Variants in CDK13 observed in about 807,000 individuals in gnomAD.
The protein encoded by CDK13 is cyclin dependent kinase 13.
CDK13 carries 40 observed loss-of-function variants against 137.6 expected under a neutral mutation model. The observed-to-expected ratio is 0.29, with a 90% CI of 0.23 to 0.38. CDK13 has a LOEUF of 0.38. CDK13 is among the 10% of genes least tolerant of loss of function. CDK13 has a pLI of 1.00. For synonymous variants in CDK13, 869 were observed against 760.1 expected (o/e 1.14, Z -2.36); for missense variants, 1,704 against 1,951.8 (o/e 0.87, Z 2.39).
At chr7:39,997,076 A>T (rs1784579243) in intron 2 of CDK13, among the ~76,000 whole-genome samples, 1 of 151,170 alleles carries the variant, frequency 6.6e-6, no homozygotes, top group African/African-American at 2.4e-5. Flanking sequence ...TTAATTCTGT[A>T]TCGTTTTAAA....
At chr7:40,020,495 C>G (rs143099647) in intron 5 of CDK13, among the ~76,000 whole-genome samples, 2,095 of 152,270 alleles carry the variant, frequency 0.014, 28 homozygotes, top group Middle Eastern at 0.024. Context: ...TGCTGTTCCC[C>G]CAATGTATTT....
chr7:39,964,960 C>G (rs1182275817), intron 1 of CDK13, among the ~76,000 whole-genome samples: 1 of 152,094 alleles, frequency 6.6e-6, no homozygotes, highest in Non-Finnish European at 1.5e-5. Flanking sequence ...ATCCTGAGTT[C>G]TAGTTTGATT....
intron 1 of CDK13, among the ~76,000 whole-genome samples, chr7:39,983,170 T>G (rs773379): frequency 0.45 from 68,789 of 152,118 alleles, 17,592 homozygotes; most frequent in East Asian, 0.63. Flanking sequence ...GTTTAAGTCT[T>G]TAATCCATCT....
At chr7:40,049,310 C>A (rs887208875) in intron 7 of CDK13, 1 of 151,272 alleles carries the variant, frequency 6.6e-6, no homozygotes. Flanking sequence ...GACCTCCAGT[C>A]CTCTGTACCA....
At chr7:40,088,439 T>C in intron 12 of CDK13, 108 bp downstream of exon 12, 1 of 862,804 alleles carries the variant, frequency 1.2e-6, no homozygotes. Context: ...AAAATTAACA[T>C]TTATTCACTG....
chr7:40,015,587 T>G (rs1161538164), intron 5 of CDK13, among the ~76,000 whole-genome samples: 1 of 152,238 alleles, frequency 6.6e-6, no homozygotes, highest in Admixed American at 6.5e-5. Flanking sequence ...AAAGTTTAGC[T>G]TGGTAGTAGA....
At position 40,094,765 on chromosome 7, in the gene CDK13, G is replaced by A. The variant is rs2078834707; in HGVS notation, c.4324G>A (p.Asp1442Asn). ...TATTGCAGTCCTGGCAAACAGCAGTGACCCTTCCACGGGGCCAGAGAGTAC... is the reference window on the plus strand; with the variant it reads ...TATTGCAGTCCTGGCAAACAGCAGTAACCCTTCCACGGGGCCAGAGAGTAC... Reference protein sequence around the residue: ...GPIAVLANSSDPSTGPESTHP... With the variant: ...GPIAVLANSSNPSTGPESTHP... The change falls in exon 14 of 14, where the codon GAC becomes AAC. Residue 1442 changes from aspartate (D) to asparagine (N), a missense_variant. This residue lies in a region of CDK13 where 475 missense variants were observed against 579.3 expected (regional missense o/e 0.82). Coordinates refer to ENST00000181839, the MANE Select transcript of CDK13 (RefSeq NM_003718.5). 2.5e-6 allele frequency: 4 copies of A among 1,613,114 alleles called. No homozygotes were observed. Among genetic ancestry groups the A allele is most frequent in the Non-Finnish European group, 3.4e-6 (4 of 1,179,564 alleles).
intron 9 of CDK13, among the ~76,000 whole-genome samples, chr7:40,066,140 G>T (rs527663190): frequency 6.6e-6 from 1 of 152,202 alleles, no homozygotes; most frequent in African/African-American, 2.4e-5. Flanking sequence ...CCAGGAAGTC[G>T]AGACTGCAGT....
intron 3 of CDK13, 55 bp from the exon 4 acceptor site, chr7:39,999,306 C>T: frequency 7.0e-7 from 1 of 1,424,578 alleles, no homozygotes; most frequent in Non-Finnish European, 9.6e-7. Context: ...AGTTATTAGA[C>T]AGTTTATTCA....
intron 1 of CDK13, among the ~76,000 whole-genome samples, chr7:39,969,207 T>C (rs1783941449): frequency 6.6e-6 from 1 of 152,142 alleles, no homozygotes; most frequent in Non-Finnish European, 1.5e-5. Flanking sequence ...GAGACAGGGT[T>C]TCACCATGTT....
intron 5 of CDK13, among the ~76,000 whole-genome samples, chr7:40,042,791 T>TG (rs1012320311): frequency 1.3e-5 from 2 of 151,670 alleles, no homozygotes; most frequent in Non-Finnish European, 2.9e-5. Context: ...CTCCTTTTTT[T>TG]TTTTTTGAGA....
At chr7:39,956,109 C>CA (rs921820637) in intron 1 of CDK13, among the ~76,000 whole-genome samples, 7 of 151,568 alleles carry the variant, frequency 4.6e-5, no homozygotes, top group African/African-American at 1.5e-4. Context: ...AAAAAAAACT[C>CA]AAAAAATATG....
intron 1 of CDK13, among the ~76,000 whole-genome samples, chr7:39,964,510 C>CT (rs1783823466): frequency 7.1e-6 from 1 of 141,328 alleles, no homozygotes; most frequent in Non-Finnish European, 1.6e-5. Context: ...ATTCTTCTCT[C>CT]TTTTTTCTTT....
chr7:40,052,604 C>CT (rs1785917047), intron 7 of CDK13, among the ~76,000 whole-genome samples: 1 of 152,070 alleles, frequency 6.6e-6, no homozygotes. Flanking sequence ...TGAAAAGGGC[C>CT]TTAGAGCATT....
chr7:39,991,754 C>G (rs573165621), intron 2 of CDK13, among the ~76,000 whole-genome samples: 1 of 152,154 alleles, frequency 6.6e-6, no homozygotes, highest in African/African-American at 2.4e-5. Context: ...TTTATATGCT[C>G]CATCTCAGCA....
chr7:39,969,301 G>A (rs993413000), intron 1 of CDK13, among the ~76,000 whole-genome samples: 3 of 152,076 alleles, frequency 2.0e-5, no homozygotes, highest in South Asian at 2.1e-4. Flanking sequence ...TATGAGCTAC[G>A]GCACCTAGCC....
At chr7:39,952,133 T>C (rs969563821) in intron 1 of CDK13, 4 of 334,292 alleles carry the variant, frequency 1.2e-5, no homozygotes, top group African/African-American at 8.4e-5. Flanking sequence ...TGCATTAATG[T>C]GTTAACAGGT....
At chr7:40,021,724 AATC>A (rs1316141258) in intron 5 of CDK13, among the ~76,000 whole-genome samples, 3 of 152,026 alleles carry the variant, frequency 2.0e-5, no homozygotes, top group Non-Finnish European at 2.9e-5. Context: ...ATATTCAGTT[AATC>A]ATCATAACAA....
At chr7:40,020,051 A>T (rs17537957) in intron 5 of CDK13, among the ~76,000 whole-genome samples, 6,055 of 152,214 alleles carry the variant, frequency 0.04, 358 homozygotes, top group African/African-American at 0.13. Flanking sequence ...GATTTAATAT[A>T]AATAATAAAC....
Sources: gnomAD v4.1 joint callset for allele counts (sites outside exome capture counted in the v4.1 genomes callset) on GRCh38, gnomAD v4.1.1 for gene constraint, gnomAD v4.1.1 regional missense constraint, MANE v1.5 for transcripts, NCBI Gene and HGNC (gene_info 2026-07-23, HGNC 2026-07-21) for gene names.